SEMA6D: variants seen among roughly 807,000 people sequenced by gnomAD.
SEMA6D encodes the protein semaphorin-6D.
Under a neutral mutation model 106.6 loss-of-function variants are expected in SEMA6D, and 35 were observed. That is an observed-to-expected ratio of 0.33 (90% CI 0.25 to 0.44). The LOEUF (loss-of-function observed/expected upper bound fraction) is 0.44, where lower values mean the gene tolerates loss of function less well. SEMA6D is among the 20% of genes least tolerant of loss of function. The probability of loss-of-function intolerance (pLI) is 1.00; values close to 1 mark genes in which losing one functional copy is unlikely to be tolerated. For missense variants in SEMA6D, 1,185 were observed against 1,345.9 expected (o/e 0.88, Z 1.87); for synonymous variants, 499 against 487.7 (o/e 1.02, Z -0.31).
intron 4 of SEMA6D, among the ~76,000 whole-genome samples, chr15:47,685,153 G>T (rs1429101919): frequency 2.6e-5 from 4 of 152,138 alleles, no homozygotes; most frequent in Admixed American, 6.5e-5. Flanking sequence ...CAAGCGGTCT[G>T]TTTCTCTTGA....
At chr15:47,347,459 C>T (rs1242018812) in intron 1 of SEMA6D, among the ~76,000 whole-genome samples, 1 of 152,230 alleles carries the variant, frequency 6.6e-6, no homozygotes, top group African/African-American at 2.4e-5. Context: ...GACTGCAGCA[C>T]TTGTTTTAAT....
At chr15:47,441,037 C>T (rs772177153) in intron 2 of SEMA6D, among the ~76,000 whole-genome samples, 9 of 152,012 alleles carry the variant, frequency 5.9e-5, no homozygotes, top group East Asian at 1.9e-4. Flanking sequence ...CCTGACATTC[C>T]GCTTGACACT....
At chr15:47,643,193 A>G (rs1325639046) in intron 4 of SEMA6D, among the ~76,000 whole-genome samples, 1 of 152,234 alleles carries the variant, frequency 6.6e-6, no homozygotes, top group Non-Finnish European at 1.5e-5. Flanking sequence ...GACCTCCTGT[A>G]GAATATACCA....
chr15:47,722,203 C>T (rs552456298), intron 1 of SEMA6D, among the ~76,000 whole-genome samples: 33 of 152,284 alleles, frequency 2.2e-4, no homozygotes, highest in African/African-American at 7.5e-4. Context: ...CCTGTAAGAT[C>T]AAACCACCAG....
intron 4 of SEMA6D, among the ~76,000 whole-genome samples, chr15:47,671,029 C>T (rs2078126580): frequency 6.6e-6 from 1 of 152,026 alleles, no homozygotes; most frequent in Non-Finnish European, 1.5e-5. Flanking sequence ...TGTTTTTATT[C>T]CATTTTCAAA....
At chr15:47,354,191 CTCTCTCTCTATATATATA>C (rs1238934192) in intron 1 of SEMA6D, among the ~76,000 whole-genome samples, 5 of 109,360 alleles carry the variant, frequency 4.6e-5, no homozygotes, top group East Asian at 4.8e-4. Flanking sequence ...CTCTCTCTCT[CTCTCTCTCTATATATATA>C]TATATATATA....
At chr15:47,415,235 T>C (rs1014189056) in intron 2 of SEMA6D, among the ~76,000 whole-genome samples, 5 of 152,198 alleles carry the variant, frequency 3.3e-5, no homozygotes, top group African/African-American at 1.2e-4. Flanking sequence ...GCAATCATTA[T>C]AACTTTCCCT....
chr15:47,576,817 A>T (rs543279720), intron 3 of SEMA6D, among the ~76,000 whole-genome samples: 1 of 152,152 alleles, frequency 6.6e-6, no homozygotes, highest in African/African-American at 2.4e-5. Flanking sequence ...TTCATTGCTT[A>T]TCTATCCAGA....
At chr15:47,443,112 A>G (rs948428248) in intron 2 of SEMA6D, among the ~76,000 whole-genome samples, 1 of 152,140 alleles carries the variant, frequency 6.6e-6, no homozygotes, top group Non-Finnish European at 1.5e-5. Flanking sequence ...AATGATTTCT[A>G]TCACATGGAA....
chr15:47,446,816 C>T (rs1435857607), intron 2 of SEMA6D, among the ~76,000 whole-genome samples: 1 of 152,114 alleles, frequency 6.6e-6, no homozygotes, highest in Non-Finnish European at 1.5e-5. Flanking sequence ...ATGGGAATAT[C>T]ATATGTCATG....
rs1398441234 is a variant in SEMA6D, at chr15:47,348,725, C to CAGAGAGAGAGAG, written c.-238-63667_-238-63666insGAGAGAGAGAGA. 9.0e-3 allele frequency among the ~76,000 whole-genome samples: 431 copies of CAGAGAGAGAGAG among 47,686 alleles called. 14 individuals carry two copies. The highest frequency in any genetic ancestry group is 0.02 in the African/African-American group (419 of 21,378). 31.3% of individuals were successfully genotyped at this position (47,686 alleles called of 152,430 possible). A position where few individuals can be genotyped will look rare whatever the true frequency, so the allele number is the denominator to read the frequency against. ...CACACACACACACACACACCACACA[C>CAGAGAGAGAGAG]ACAGAGAGAGAGAGAGAGAGAGAGA... On this transcript the variant is annotated intron_variant, in intron 1 of 19. Coordinates refer to the SEMA6D transcript ENST00000558014.
At chr15:47,628,875 T>A (rs1298117108) in intron 4 of SEMA6D, among the ~76,000 whole-genome samples, 1 of 152,080 alleles carries the variant, frequency 6.6e-6, no homozygotes, top group Non-Finnish European at 1.5e-5. Context: ...GTTTCACATG[T>A]AAGTCTGAAA....
At chr15:47,768,775 C>T (rs1183631813) in intron 18 of SEMA6D, 27 bp downstream of exon 18, 2 of 1,597,996 alleles carry the variant, frequency 1.3e-6, no homozygotes, top group Non-Finnish European at 1.7e-6. Context: ...GACCTCATCT[C>T]TAACTGCGTG....
intron 4 of SEMA6D, among the ~76,000 whole-genome samples, chr15:47,631,911 C>T (rs1437602018): frequency 6.6e-6 from 1 of 151,940 alleles, no homozygotes; most frequent in Non-Finnish European, 1.5e-5. Context: ...CTAATGTAAG[C>T]ATTTAGTGCT....
intron 1 of SEMA6D, among the ~76,000 whole-genome samples, chr15:47,315,073 A>G (rs1480248176): frequency 6.6e-6 from 1 of 151,400 alleles, no homozygotes; most frequent in East Asian, 1.9e-4. Flanking sequence ...TCACCGTGTT[A>G]GCCAGGATGG....
At position 47,772,793 on chromosome 15, in the gene SEMA6D, G is replaced by C. The variant is rs1321135827; in HGVS notation, c.*1008G>C. On this transcript the variant is annotated 3_prime_UTR_variant, in exon 19 of 19. Transcript: ENST00000536845. The stretch of plus-strand genomic sequence containing the variant: ...ACACTAATAAGGTTTTATTTTGATT[G>C]TGTTCGTTTCCCCCCCCCCAATAGT... 2 of 135,612 alleles carry C rather than the reference G, an allele frequency of 1.5e-5. No homozygotes were observed. Among genetic ancestry groups the C allele is most frequent in the African/African-American group, 3.1e-5 (1 of 32,734 alleles). The allele number at this position is 135,612 out of a possible 1,614,324, so 8.4% of individuals were successfully genotyped here.
chr15:47,412,314 G>A (rs999651854), intron 1 of SEMA6D: 24 of 152,526 alleles, frequency 1.6e-4, no homozygotes, highest in African/African-American at 5.3e-4. Flanking sequence ...CAAGCTTGCC[G>A]GCAGTGCTGG....
At chr15:47,202,922 A>G (rs919773979) in intron 1 of SEMA6D, among the ~76,000 whole-genome samples, 3 of 152,190 alleles carry the variant, frequency 2.0e-5, no homozygotes, top group East Asian at 3.8e-4. Flanking sequence ...TCTATCCACC[A>G]TGGTGTATAA....
chr15:47,424,077 G>A (rs2041255439), intron 2 of SEMA6D, among the ~76,000 whole-genome samples: 1 of 151,976 alleles, frequency 6.6e-6, no homozygotes. Context: ...ATCAGTGAAG[G>A]CCTAGAGATG....
Sources: gnomAD v4.1 joint callset for allele counts (sites outside exome capture counted in the v4.1 genomes callset) on GRCh38, gnomAD v4.1.1 for gene constraint, MANE v1.5 for transcripts, NCBI Gene and HGNC (gene_info 2026-07-23, HGNC 2026-07-21) for gene names.